KHDRBS2: variants seen among roughly 807,000 people sequenced by gnomAD.
KHDRBS2 encodes KH RNA binding domain containing, signal transduction associated 2.
KHDRBS2 carries 26 observed loss-of-function variants against 44.3 expected under a neutral mutation model. The ratio of observed to expected loss-of-function variants is 0.59; its 90% CI spans 0.43 to 0.81. The LOEUF (loss-of-function observed/expected upper bound fraction) is 0.81, where lower values mean the gene tolerates loss of function less well. Among genes scored for constraint, KHDRBS2 ranks in the 40% least tolerant of loss-of-function variants. KHDRBS2 has a pLI of 0.00. For synonymous variants in KHDRBS2, 194 were observed against 151.1 expected (o/e 1.28, Z -2.08); for missense variants, 476 against 433.1 (o/e 1.10, Z -0.88).
chr6:61,699,351 A>G (rs554590237), intron 7 of KHDRBS2, among the ~76,000 whole-genome samples: 24 of 152,172 alleles, frequency 1.6e-4, no homozygotes, highest in African/African-American at 4.1e-4. Context: ...ATAAATATTG[A>G]TGATACATTA....
chr6:62,095,259 T>A (rs943673748), intron 2 of KHDRBS2, among the ~76,000 whole-genome samples: 4 of 151,848 alleles, frequency 2.6e-5, no homozygotes, highest in African/African-American at 9.7e-5. Context: ...AAAGGAGCTC[T>A]ACAATGAACA....
At chr6:61,932,720 G>C (rs1004966336) in intron 4 of KHDRBS2, among the ~76,000 whole-genome samples, 5 of 152,240 alleles carry the variant, frequency 3.3e-5, no homozygotes, top group East Asian at 3.9e-4. Flanking sequence ...CGTGAACCGG[G>C]AGGCGGAGTT....
At chr6:62,157,471 C>A (rs531038068) in intron 2 of KHDRBS2, among the ~76,000 whole-genome samples, 3 of 152,234 alleles carry the variant, frequency 2.0e-5, no homozygotes, top group East Asian at 3.9e-4. Flanking sequence ...TTAGTTAGCA[C>A]GTGGAATTAA....
intron 1 of KHDRBS2, among the ~76,000 whole-genome samples, chr6:62,193,855 C>T (rs1825092524): frequency 6.6e-6 from 1 of 152,066 alleles, no homozygotes; most frequent in African/African-American, 2.4e-5. Context: ...TTAACATTAT[C>T]ATTGTAAATT....
chr6:62,285,129 AAAC>A (rs1252982186), intron 1 of KHDRBS2, among the ~76,000 whole-genome samples: 1 of 152,160 alleles, frequency 6.6e-6, no homozygotes, highest in African/African-American at 2.4e-5. Flanking sequence ...TTTCAAAAAA[AAAC>A]CTTTCAAAGC....
chr6:61,775,809 A>G (rs1781884214), intron 6 of KHDRBS2, among the ~76,000 whole-genome samples: 1 of 152,110 alleles, frequency 6.6e-6, no homozygotes, highest in Admixed American at 6.6e-5. Context: ...TTTCATATGG[A>G]ACCAAAATGA....
chr6:61,966,845 C>A (rs1452764630), intron 4 of KHDRBS2, among the ~76,000 whole-genome samples: 1 of 151,770 alleles, frequency 6.6e-6, no homozygotes, highest in Non-Finnish European at 1.5e-5. Context: ...CCCTATCATG[C>A]ACTTAGAGAA....
chr6:61,687,453 A>G (rs1766941458), intron 8 of KHDRBS2, among the ~76,000 whole-genome samples: 1 of 151,692 alleles, frequency 6.6e-6, no homozygotes, highest in Non-Finnish European at 1.5e-5. Context: ...TTACTCAATA[A>G]ATTAATTATA....
chr6:61,561,539 T>C, the KHDRBS2 span, among the ~76,000 whole-genome samples: 1 of 152,170 alleles, frequency 6.6e-6, no homozygotes, highest in Non-Finnish European at 1.5e-5. Context: ...CTACTGCAGC[T>C]TAGCTGGTAC....
At chr6:61,975,099 T>A (rs1395118804) in intron 4 of KHDRBS2, among the ~76,000 whole-genome samples, 5 of 152,134 alleles carry the variant, frequency 3.3e-5, no homozygotes, top group Admixed American at 2.6e-4. Flanking sequence ...TTTACCAGCA[T>A]CCTAAAGCAT....
At chr6:61,954,995 T>TAG (rs1177055204) in intron 4 of KHDRBS2, among the ~76,000 whole-genome samples, 1 of 143,746 alleles carries the variant, frequency 7.0e-6, no homozygotes, top group East Asian at 2.2e-4. Flanking sequence ...TATACATATA[T>TAG]AGACATACAT....
chr6:61,999,755 G>A (rs1159259694), intron 3 of KHDRBS2, among the ~76,000 whole-genome samples: 1 of 151,884 alleles, frequency 6.6e-6, no homozygotes, highest in Non-Finnish European at 1.5e-5. Flanking sequence ...ATTATGAAAA[G>A]GCATCTTTGT....
intron 2 of KHDRBS2, among the ~76,000 whole-genome samples, chr6:62,097,364 T>A (rs1451197443): frequency 6.6e-6 from 1 of 152,058 alleles, no homozygotes; most frequent in African/African-American, 2.4e-5. Context: ...TGACTATTTC[T>A]CTCTCTTTAA....
At chr6:61,801,173 A>G (rs969820182) in intron 6 of KHDRBS2, among the ~76,000 whole-genome samples, 4 of 152,216 alleles carry the variant, frequency 2.6e-5, no homozygotes, top group African/African-American at 9.6e-5. Context: ...ATATATGAAA[A>G]CATATATTTT....
intron 1 of KHDRBS2, among the ~76,000 whole-genome samples, chr6:62,217,979 G>A (rs946237780): frequency 1.4e-4 from 21 of 151,764 alleles, no homozygotes; most frequent in African/African-American, 4.4e-4. Flanking sequence ...ATGAAGAGGA[G>A]GAATCACTCG....
At chr6:62,076,861 A>G (rs956169054) in intron 2 of KHDRBS2, among the ~76,000 whole-genome samples, 16 of 151,976 alleles carry the variant, frequency 1.1e-4, no homozygotes, top group African/African-American at 3.6e-4. Flanking sequence ...CTTGTGCAAC[A>G]TAGTGAGACC....
the KHDRBS2 span, among the ~76,000 whole-genome samples, chr6:61,553,264 T>A: frequency 6.6e-6 from 1 of 152,184 alleles, no homozygotes; most frequent in East Asian, 1.9e-4. Flanking sequence ...TATCCATTTA[T>A]CCTACATTTT....
At chr6:62,065,570 G>T (rs1040450631) in intron 2 of KHDRBS2, among the ~76,000 whole-genome samples, 2 of 144,936 alleles carry the variant, frequency 1.4e-5, no homozygotes, top group African/African-American at 5.2e-5. Context: ...ACTCATAGGT[G>T]GGAATTGAAC....
the KHDRBS2 span, among the ~76,000 whole-genome samples, chr6:61,587,680 G>T: frequency 6.6e-6 from 1 of 152,110 alleles, no homozygotes; most frequent in Non-Finnish European, 1.5e-5. Context: ...TGATTTGACA[G>T]ATTGTGGTTC....
Sources: gnomAD v4.1 joint callset for allele counts (sites outside exome capture counted in the v4.1 genomes callset) on GRCh38, gnomAD v4.1.1 for gene constraint, MANE v1.5 for transcripts, NCBI Gene and HGNC (gene_info 2026-07-23, HGNC 2026-07-21) for gene names.